The following RNF40 variants were observed in gnomAD, a reference collection of about 807,000 sequenced individuals.
The protein encoded by RNF40 is ring finger protein 40, also known as E3 ubiquitin-protein ligase BRE1B.
Under a neutral mutation model 123.3 loss-of-function variants are expected in RNF40, and 39 were observed. The ratio of observed to expected loss-of-function variants is 0.32; its 90% CI spans 0.24 to 0.41. The LOEUF (loss-of-function observed/expected upper bound fraction) is 0.41. Among genes scored for constraint, RNF40 ranks in the 10% least tolerant of loss-of-function variants. RNF40 has a pLI of 1.00. For missense variants in RNF40, 1,003 were observed against 1,319.9 expected (o/e 0.76, Z 3.72); for synonymous variants, 538 against 526.0 (o/e 1.02, Z -0.31).
In RNF40 at chr16:30,772,200, T is replaced by C. The variant is rs2054160406; in HGVS notation, c.2829+10T>C. ...GATCAAGGAGTACAAGGTGGGGCTG[T>C]GGGCCAAGTTGTGCCCTATCCACCT... On this transcript the variant is annotated intron_variant, in intron 19 of 19. Transcript: ENST00000324685. The C allele has an allele frequency of 1.3e-6, 2 of 1,546,024 alleles. No individual in the cohort carries two copies. The highest frequency in any genetic ancestry group is 2.7e-5 in the African/African-American group (2 of 73,054).
Position 30,766,913 on chromosome 16 carries a change from C to T in RNF40, c.1429+37C>T. 6.2e-7 allele frequency: 1 copy of T among 1,602,560 alleles called. No homozygotes were observed. Among genetic ancestry groups the T allele is most frequent in the East Asian group, 2.2e-5 (1 of 44,696 alleles). On this transcript the variant is annotated intron_variant, in intron 11 of 19. Transcript: ENST00000324685. This position sits in a 1 kb window ranked among gnomAD's most constrained non-coding sequence, Gnocchi z 5.4. ...GGATAGGGCGGAGGTGGGGCCTTAT[C>T]TGGGAGTGCTGGGCCCTGGTGTGGG...
At chr16:30,765,365 G>T in intron 7 of RNF40, 38 bp downstream of exon 7, 2 of 1,614,110 alleles carry the variant, frequency 1.2e-6, no homozygotes, top group Non-Finnish European at 1.7e-6. Context: ...GGCAAGGCTG[G>T]GCCCTTGGGC....
At chr16:30,765,540 C>G (rs746117285) in intron 8 of RNF40, 41 bp downstream of exon 8, 20 of 1,553,318 alleles carry the variant, frequency 1.3e-5, no homozygotes, top group Non-Finnish European at 1.8e-5. Flanking sequence ...ACAACCTCTT[C>G]TCTGTTGCAC....
chr16:30,764,161 T>G lies in RNF40; in HGVS notation c.443-18T>G. On this transcript the variant is annotated intron_variant, in intron 4 of 19. Coordinates refer to ENST00000324685, the MANE Select transcript of RNF40 (RefSeq NM_014771.4). ...ACTGCTGCTCTTATCCTCATGAGGG[T>G]CTGTCCATTCCTTCCAGACCCCTTG... 1 of 1,593,694 alleles carries G rather than the reference T, an allele frequency of 6.3e-7. No homozygotes were observed. Among genetic ancestry groups the G allele is most frequent in the Non-Finnish European group, 8.6e-7 (1 of 1,168,454 alleles).
At chr16:30,764,780 C>T (rs1251506360) in intron 5 of RNF40, among the ~76,000 whole-genome samples, 158 bp from the exon 6 acceptor site, 2 of 152,240 alleles carry the variant, frequency 1.3e-5, no homozygotes. Flanking sequence ...GAGCTGGTTT[C>T]CTTCTCTGTG....
Position 30,768,197 on chromosome 16 carries a change from A to G in RNF40, c.1646A>G (p.Glu549Gly). Reference protein sequence around the residue: ...GVSAPAPGKEEGGPGPVSTPD... With the variant: ...GVSAPAPGKEGGGPGPVSTPD... Reference sequence around the variant, plus strand: ...AGTGCCCCAGCCCCAGGGAAAGAGGAGGGTGGGCCAGGCCCTGTCAGTACC... The same window carrying G: ...AGTGCCCCAGCCCCAGGGAAAGAGGGGGGTGGGCCAGGCCCTGTCAGTACC... The change falls in exon 13 of 20, where the codon GAG becomes GGG. Residue 549 changes from glutamate to glycine, a missense_variant. Glu to Gly is a moderately conservative substitution (Grantham distance 98). Around this residue, in one of 11 missense-constraint regions of RNF40, gnomAD observed 295 missense variants for 331.7 expected, o/e 0.89. Coordinates refer to ENST00000324685, the MANE Select transcript of RNF40 (RefSeq NM_014771.4). This position sits in a 1 kb window ranked among gnomAD's most constrained non-coding sequence, Gnocchi z 4.1. The G allele has an allele frequency of 6.2e-7, 1 of 1,613,236 alleles. No individual in the cohort carries two copies. The highest frequency in any genetic ancestry group is 8.5e-7 in the Non-Finnish European group (1 of 1,179,798).
In RNF40 at chr16:30,768,788, A is replaced by G. The variant is rs1242159593; in HGVS notation, c.2098-50A>G. 6.2e-7 allele frequency: 1 copy of G among 1,613,698 alleles called. No homozygotes were observed. The highest frequency in any genetic ancestry group is 1.3e-5 in the African/African-American group (1 of 74,946). ...ATTCAGAAAGGCAGAGCAGAGTCCTAGCTCAGCAGGAAGCAGTGTCAAGAG... is the reference window on the plus strand; with the variant it reads ...ATTCAGAAAGGCAGAGCAGAGTCCTGGCTCAGCAGGAAGCAGTGTCAAGAG... On this transcript the variant is annotated intron_variant, in intron 14 of 19. Coordinates refer to ENST00000324685, the MANE Select transcript of RNF40 (RefSeq NM_014771.4). This position sits in a 1 kb window ranked among gnomAD's most constrained non-coding sequence, Gnocchi z 4.1.
intron 17 of RNF40, 146 bp downstream of exon 17, chr16:30,769,746 C>G (rs747369595): frequency 1.3e-5 from 11 of 864,558 alleles, no homozygotes; most frequent in South Asian, 1.9e-5. Flanking sequence ...TTTACATGTG[C>G]CAGACCACAT....
At position 30,766,691 on chromosome 16, in the gene RNF40, C is replaced by T; in HGVS notation, c.1294-50C>T. 6.2e-7 allele frequency: 1 copy of T among 1,610,918 alleles called. No individual in the cohort carries two copies. The highest frequency in any genetic ancestry group is 8.5e-7 in the Non-Finnish European group (1 of 1,178,342). ...TAGATTCTTCCTAAGATACTGAGTC[C>T]TGAGGTGGGACCGAGGGGCTGTGTG... On this transcript the variant is annotated intron_variant, in intron 10 of 19. Transcript: ENST00000324685. This position sits in a 1 kb window ranked among gnomAD's most constrained non-coding sequence, Gnocchi z 5.4.
rs985476178 is a variant in RNF40 at position 30,769,502 on chromosome 16, A to G, written c.2488A>G (p.Lys830Glu). Reference sequence around the variant, plus strand: ...GGATGCCCAGCTGCTGACTGTGCAGAAGCTAGAGGAGAAGGAGCGAGCCTT... The same window carrying G: ...GGATGCCCAGCTGCTGACTGTGCAGGAGCTAGAGGAGAAGGAGCGAGCCTT... The part of the protein sequence containing the change: ...QVDAQLLTVQ[K>E]LEEKERALQG... Residue 830 changes from lysine (K) to glutamate (E), a missense_variant, in exon 17 of 20, where the codon AAG (lysine) becomes GAG (glutamate). Around this residue, in one of 11 missense-constraint regions of RNF40, gnomAD observed 121 missense variants for 125.3 expected, o/e 0.97. Transcript: ENST00000324685. 1 of 1,613,908 alleles carries G rather than the reference A, an allele frequency of 6.2e-7. No individual in the cohort carries two copies. Among genetic ancestry groups the G allele is most frequent in the African/African-American group, 1.3e-5 (1 of 75,036 alleles).
chr16:30,761,709 C>G (rs1481772938), upstream of RNF40: 1 of 1,531,940 alleles, frequency 6.5e-7, no homozygotes, highest in African/African-American at 1.4e-5. Context: ...TCCGACTGCA[C>G]CCTCATTCCC....
intron 17 of RNF40, among the ~76,000 whole-genome samples, 176 bp from the exon 18 acceptor site, chr16:30,771,657 C>T (rs748519858): frequency 6.6e-6 from 1 of 152,044 alleles, no homozygotes; most frequent in Non-Finnish European, 1.5e-5. Flanking sequence ...AACAGCATCA[C>T]ACGGGAGGAA....
In RNF40 at chr16:30,769,456, GTCC is replaced by G; in HGVS notation, c.2461-13_2461-11del. On this transcript the variant is annotated splice_polypyrimidine_tract_variant and intron_variant, in intron 16 of 19. Coordinates refer to ENST00000324685, the MANE Select transcript of RNF40 (RefSeq NM_014771.4). ...GGAGAGGTGGGGGTCATGGCCCTGAGTCCTCCTCTGGTCCTTAGGTGGATGCCC... is the reference window on the plus strand; with the variant it reads ...GGAGAGGTGGGGGTCATGGCCCTGAGTCCTCTGGTCCTTAGGTGGATGCCC... The G allele has an allele frequency of 1.9e-6, 3 of 1,614,068 alleles. No individual in the cohort carries two copies. The highest frequency in any genetic ancestry group is 2.2e-5 in the East Asian group (1 of 44,876).
chr16:30,767,496 G>A (rs1467289711), intron 11 of RNF40, among the ~76,000 whole-genome samples: 2 of 150,830 alleles, frequency 1.3e-5, no homozygotes, highest in Non-Finnish European at 2.9e-5. Context: ...GGAATTGGAT[G>A]TATAAAAAAA....
Position 30,774,218 on chromosome 16 carries a change from A to G in RNF40, c.*104A>G. On this transcript the variant is annotated 3_prime_UTR_variant, in exon 20 of 20. Transcript: ENST00000324685. Reference sequence around the variant, plus strand: ...GGCCCCACCCTCCATTCCGGACCCCATGGGCCCAGCCCCTGCCCATCTAGT... The same window carrying G: ...GGCCCCACCCTCCATTCCGGACCCCGTGGGCCCAGCCCCTGCCCATCTAGT... The G allele has an allele frequency of 8.0e-7, 1 of 1,244,544 alleles. No individual in the cohort carries two copies. The highest frequency in any genetic ancestry group is 1.1e-6 in the Non-Finnish European group (1 of 906,308). The allele number at this position is 1,244,544 out of a possible 1,614,324, so 77.1% of individuals were successfully genotyped here. A position where few individuals can be genotyped will look rare whatever the true frequency, so the allele number is the denominator to read the frequency against.
rs770996189 is a variant in RNF40 at position 30,768,116 on chromosome 16, C to T, written c.1565C>T (p.Ala522Val). Residue 522 changes from alanine (A) to valine (V), a missense_variant, in exon 13 of 20, where the codon GCC becomes GTC. By Grantham distance (64) the Ala-to-Val change is moderately conservative. Around this residue, in one of 11 missense-constraint regions of RNF40, gnomAD observed 295 missense variants for 331.7 expected, o/e 0.89. Transcript: ENST00000324685. This position sits in a 1 kb window ranked among gnomAD's most constrained non-coding sequence, Gnocchi z 4.1. ...QAEIGKLRAQ[A>V]SGSAHSTPNL... ...CTGCCTTTGCAGCTCCGGGCCCAGG[C>T]CAGTGGCTCTGCCCACTCCACCCCC... 14 of 1,609,088 alleles carry T rather than the reference C, an allele frequency of 8.7e-6. No individual in the cohort carries two copies. Among genetic ancestry groups the T allele is most frequent in the African/African-American group, 1.3e-5 (1 of 74,830 alleles).
At position 30,762,491 on chromosome 16, in the gene RNF40, C is replaced by T. The variant is rs112478319; in HGVS notation, c.-55C>T. The T allele has an allele frequency of 6.6e-7, 1 of 1,521,128 alleles. No individual in the cohort carries two copies. The allele number at this position is 1,521,128 out of a possible 1,614,324, so 94.2% of individuals were successfully genotyped here. On this transcript the variant is annotated 5_prime_UTR_variant, in exon 2 of 20. Transcript: ENST00000324685. ...CTTCTGCAGGTGACGGAAGTACCGC[C>T]TCCTCCCGTTTGACGCCCCTCAGGG... is the stretch of plus-strand genomic sequence containing the variant.
chr16:30,763,372 A>T, intron 3 of RNF40, 46 bp from the exon 4 acceptor site: 2 of 1,603,792 alleles, frequency 1.2e-6, no homozygotes, highest in Non-Finnish European at 1.7e-6. Context: ...ATCATGTTGG[A>T]AAGCACTAAG....
In RNF40 at chr16:30,768,151, C is replaced by T. The variant is rs1156414399; in HGVS notation, c.1600C>T (p.His534Tyr). ...TGCCCACTCCACCCCCAACCTGGGC[C>T]ACCCAGAGGATTCTGGCGTCAGTGC... Reference protein sequence around the residue: ...GSAHSTPNLGHPEDSGVSAPA... With the variant: ...GSAHSTPNLGYPEDSGVSAPA... The change falls in exon 13 of 20, where the codon CAC becomes TAC. Residue 534 changes from histidine (H) to tyrosine (Y), a missense_variant. Physicochemically the swap from His to Tyr is moderately conservative, Grantham distance 83. Transcript: ENST00000324685. This position sits in a 1 kb window ranked among gnomAD's most constrained non-coding sequence, Gnocchi z 4.1. The T allele has an allele frequency of 3.7e-6, 6 of 1,608,048 alleles. No individual in the cohort carries two copies. The highest frequency in any genetic ancestry group is 3.4e-5 in the Admixed American group (2 of 59,438).
Sources: gnomAD v4.1 joint callset for allele counts (sites outside exome capture counted in the v4.1 genomes callset) on GRCh38, gnomAD v4.1.1 for gene constraint, gnomAD v4.1.1 regional missense constraint, Gnocchi (gnomAD v3.1) non-coding constraint, MANE v1.5 for transcripts, NCBI Gene and HGNC (gene_info 2026-07-23, HGNC 2026-07-21) for gene names.